GRP: variants seen among roughly 807,000 people sequenced by gnomAD.
GRP encodes the protein gastrin releasing peptide, also known as gastrin-releasing peptide.
A neutral mutation model predicts 12.7 loss-of-function variants in GRP; 11 were observed. That is an observed-to-expected ratio of 0.87 (90% CI 0.55 to 1.44). The LOEUF (loss-of-function observed/expected upper bound fraction) is 1.44, where lower values mean the gene tolerates loss of function less well. Among genes scored for constraint, GRP ranks in the 40% most tolerant of loss-of-function variants. The probability of loss-of-function intolerance (pLI) is 0.00; values close to 1 mark genes in which losing one functional copy is unlikely to be tolerated. For synonymous variants in GRP, 84 were observed against 77.7 expected (o/e 1.08, Z -0.43); for missense variants, 212 against 185.4 (o/e 1.14, Z -0.83).
Position 59,225,731 on chromosome 18 carries a change from A to G in GRP, c.379A>G (p.Lys127Glu), listed in dbSNP as rs765343222. ...SNFKDVGSKGKVGRLSAPGSQ... is the reference protein window; with the variant it reads ...SNFKDVGSKGEVGRLSAPGSQ... ...CTTCAAAGATGTAGGTTCAAAAGGC[A>G]AAGGTAAAAGAAACATACATGCAAG... Residue 127 changes from lysine (K) to glutamate (E), a missense_variant, in exon 2 of 3, where the codon AAA (lysine) becomes GAA (glutamate). By Grantham distance (56) the Lys-to-Glu change is moderately conservative. Transcript: ENST00000256857. 1.9e-5 allele frequency: 30 copies of G among 1,613,624 alleles called. No homozygotes were observed. Among genetic ancestry groups the G allele is most frequent in the Middle Eastern group, 1.6e-4 (1 of 6,076 alleles).
chr18:59,220,195 C>T lies in GRP; in HGVS notation c.-71C>T. ...AGCGGCTGCGGCGGCGGAGCTCCTC[C>T]GAGGTCCGGGTCACCAGTCTCTGCT... On this transcript the variant is annotated 5_prime_UTR_variant, in exon 1 of 3. Coordinates refer to ENST00000256857, the MANE Select transcript of GRP (RefSeq NM_002091.5). 1 of 1,285,214 alleles carries T rather than the reference C, an allele frequency of 7.8e-7. No homozygotes were observed. The highest frequency in any genetic ancestry group is 1.0e-6 in the Non-Finnish European group (1 of 989,696). 79.6% of individuals were successfully genotyped at this position (1,285,214 alleles called of 1,614,324 possible). A position where few individuals can be genotyped will look rare whatever the true frequency, so the allele number is the denominator to read the frequency against.
In GRP at chr18:59,226,992, CCTTTCTTTCTTTCTTTCTTTCTTTCTTT is replaced by C. The variant is rs34258044; in HGVS notation, c.382+1294_382+1321del. ...TTCTGGCTATGTGGTTTCTTTTCTT[CCTTTCTTTCTTTCTTTCTTTCTTTCTTT>C]CTTTCTTTCTTTCTTTCTTTCTTTC... is the stretch of plus-strand genomic sequence containing the variant. On this transcript the variant is annotated intron_variant, in intron 2 of 2. Coordinates refer to ENST00000256857, the MANE Select transcript of GRP (RefSeq NM_002091.5). 2.8e-4 allele frequency among the ~76,000 whole-genome samples: 30 copies of C among 107,892 alleles called. 1 individual carries two copies. Among genetic ancestry groups the C allele is most frequent in the Non-Finnish European group, 3.2e-4 (17 of 53,282 alleles). 70.8% of individuals were successfully genotyped at this position (107,892 alleles called of 152,430 possible). A position where few individuals can be genotyped will look rare whatever the true frequency, so the allele number is the denominator to read the frequency against.
At chr18:59,230,351 G>GGAT (rs1291223961) in intron 2 of GRP, 53 bp from the exon 3 acceptor site, 2 of 975,302 alleles carry the variant, frequency 2.1e-6, no homozygotes, top group African/African-American at 3.2e-5. Flanking sequence ...TTTACTTCTA[G>GGAT]GATTAGACTT....
intron 1 of GRP, among the ~76,000 whole-genome samples, chr18:59,224,221 C>CCTAAAA (rs1250709096): frequency 2.5e-4 from 38 of 152,304 alleles, no homozygotes; most frequent in Admixed American, 2.3e-3. Context: ...TTGCTTACAT[C>CCTAAAA]TATGTGACCT....
rs971097853 is a variant in GRP at position 59,220,376 on chromosome 18, G to A, written c.111G>A (p.Met37Ile). ...GCGGAGGGACCGTGCTGACCAAGATGTACCCGCGCGGCAACCACTGGGCGG... is the reference window on the plus strand; with the variant it reads ...GCGGAGGGACCGTGCTGACCAAGATATACCCGCGCGGCAACCACTGGGCGG... ...PAGGGTVLTK[M>I]YPRGNHWAVG... Residue 37 changes from methionine to isoleucine, a missense_variant, in exon 1 of 3, where the codon ATG becomes ATA. Physicochemically the swap from Met to Ile is conservative, Grantham distance 10. Transcript: ENST00000256857. 2.1e-6 allele frequency: 3 copies of A among 1,423,808 alleles called. No homozygotes were observed. The highest frequency in any genetic ancestry group is 2.8e-6 in the Non-Finnish European group (3 of 1,088,324). 88.2% of individuals were successfully genotyped at this position (1,423,808 alleles called of 1,614,324 possible). A position where few individuals can be genotyped will look rare whatever the true frequency, so the allele number is the denominator to read the frequency against.
Position 59,220,374 on chromosome 18 carries a change from A to T in GRP, c.109A>T (p.Met37Leu), listed in dbSNP as rs918128880. 4.2e-6 allele frequency: 6 copies of T among 1,427,448 alleles called. No homozygotes were observed. The Admixed American group carries it at 1.7e-4, about 40-fold the overall frequency. The allele number at this position is 1,427,448 out of a possible 1,614,324, so 88.4% of individuals were successfully genotyped here. ...PAGGGTVLTKMYPRGNHWAVG... is the reference protein window; with the variant it reads ...PAGGGTVLTKLYPRGNHWAVG... ...GGGCGGAGGGACCGTGCTGACCAAG[A>T]TGTACCCGCGCGGCAACCACTGGGC... is the stretch of plus-strand genomic sequence containing the variant. The change falls in exon 1 of 3, where the codon ATG (methionine) becomes TTG (leucine). Residue 37 changes from methionine to leucine, a missense_variant. Met to Leu is a conservative substitution (Grantham distance 15). Coordinates refer to ENST00000256857, the MANE Select transcript of GRP (RefSeq NM_002091.5).
At chr18:59,227,053 C>CTTTCTTTCT (rs869258422) in intron 2 of GRP, among the ~76,000 whole-genome samples, 20 of 104,936 alleles carry the variant, frequency 1.9e-4, no homozygotes, top group African/African-American at 7.7e-4. Context: ...TTCTTTCTTT[C>CTTTCTTTCT]TTCCTTTCTT....
Position 59,230,466 on chromosome 18 carries a change from T to A in GRP, c.445T>A (p.Ter149ArgextTer1). The A allele has an allele frequency of 6.4e-7, 1 of 1,562,474 alleles. No homozygotes were observed. The highest frequency in any genetic ancestry group is 8.8e-7 in the Non-Finnish European group (1 of 1,132,850). ...AAGGAACCCCCAGCTGAACCAGCAATGATAATGATGGCCTCTCTCAAAAGA... is the reference window on the plus strand; with the variant it reads ...AAGGAACCCCCAGCTGAACCAGCAAAGATAATGATGGCCTCTCTCAAAAGA... The part of the protein sequence containing the change: ...EGRNPQLNQQ[*>R] The change falls in exon 3 of 3, where the codon TGA (stop) becomes AGA (arginine). Residue 149 changes from the stop codon to arginine, a stop_lost. Transcript: ENST00000256857.
At chr18:59,224,911 G>C (rs545251383) in intron 1 of GRP, among the ~76,000 whole-genome samples, 1 of 152,184 alleles carries the variant, frequency 6.6e-6, no homozygotes, top group South Asian at 2.1e-4. Flanking sequence ...TCTCAGTTCA[G>C]TCTCAACTAA....
intron 1 of GRP, among the ~76,000 whole-genome samples, chr18:59,224,687 C>T (rs942583094): frequency 2.6e-5 from 4 of 152,330 alleles, no homozygotes; most frequent in East Asian, 1.9e-4. Context: ...CTCTTGCATA[C>T]ATAAATTTTC....
chr18:59,225,722 T>C lies in GRP; in HGVS notation c.370T>C (p.Ser124Pro). 6.2e-7 allele frequency: 1 copy of C among 1,613,880 alleles called. No individual in the cohort carries two copies. Among genetic ancestry groups the C allele is most frequent in the South Asian group, 1.1e-5 (1 of 91,054 alleles). ...EDSSNFKDVG[S>P]KGKVGRLSAP... ...TAGCAGCAACTTCAAAGATGTAGGT[T>C]CAAAAGGCAAAGGTAAAAGAAACAT... is the stretch of plus-strand genomic sequence containing the variant. The change falls in exon 2 of 3, where the codon TCA becomes CCA. Residue 124 changes from serine to proline, a missense_variant. Transcript: ENST00000256857.
chr18:59,228,030 T>C (rs944381548), intron 2 of GRP, among the ~76,000 whole-genome samples: 1 of 152,200 alleles, frequency 6.6e-6, no homozygotes, highest in African/African-American at 2.4e-5. Context: ...TGCATTGTTT[T>C]TCTTTTTACA....
intron 1 of GRP, among the ~76,000 whole-genome samples, chr18:59,222,762 G>A (rs1247985544): frequency 6.6e-6 from 1 of 152,228 alleles, no homozygotes; most frequent in South Asian, 2.1e-4. Flanking sequence ...TTCTAGCTGA[G>A]AGAAGCATGG....
At chr18:59,222,993 G>A (rs541061912) in intron 1 of GRP, among the ~76,000 whole-genome samples, 85 of 152,182 alleles carry the variant, frequency 5.6e-4, no homozygotes, top group Non-Finnish European at 9.4e-4. Flanking sequence ...TTCCACTGCA[G>A]AATGGCTTGT....
chr18:59,228,833 T>C (rs747830631), intron 2 of GRP, among the ~76,000 whole-genome samples: 30 of 152,208 alleles, frequency 2.0e-4, no homozygotes, highest in Non-Finnish European at 4.1e-4. Flanking sequence ...GATGTGGTTG[T>C]TCACTGTCCT....
chr18:59,228,711 C>T (rs931720830), intron 2 of GRP, among the ~76,000 whole-genome samples: 1 of 152,162 alleles, frequency 6.6e-6, no homozygotes, highest in South Asian at 2.1e-4. Context: ...TTCTATTCTG[C>T]AATTAATGGA....
chr18:59,226,185 T>C (rs1433349037), intron 2 of GRP, among the ~76,000 whole-genome samples: 1 of 152,224 alleles, frequency 6.6e-6, no homozygotes. Context: ...TTCATATTTG[T>C]TCCAGGAGTA....
At position 59,230,482 on chromosome 18, in the gene GRP, T is replaced by C; in HGVS notation, c.*14T>C. On this transcript the variant is annotated 3_prime_UTR_variant, in exon 3 of 3. Coordinates refer to ENST00000256857, the MANE Select transcript of GRP (RefSeq NM_002091.5). ...AACCAGCAATGATAATGATGGCCTC[T>C]CTCAAAAGAGAAAAACAAAACCCCT... 6.6e-7 allele frequency: 1 copy of C among 1,510,460 alleles called. No homozygotes were observed. The highest frequency in any genetic ancestry group is 1.1e-5 in the South Asian group (1 of 89,022). The allele number at this position is 1,510,460 out of a possible 1,614,324, so 93.6% of individuals were successfully genotyped here.
intron 2 of GRP, among the ~76,000 whole-genome samples, chr18:59,227,929 T>C (rs776975022): frequency 1.8e-4 from 28 of 152,156 alleles, no homozygotes; most frequent in Non-Finnish European, 3.8e-4. Flanking sequence ...GAGTGACTGC[T>C]TAAAGGGGGC....
Sources: allele counts gnomAD v4.1 joint callset (sites outside exome capture counted in the v4.1 genomes callset), GRCh38; gene constraint gnomAD v4.1.1; transcripts MANE v1.5; gene names NCBI Gene and HGNC (gene_info 2026-07-23, HGNC 2026-07-21).